CELF4: variants seen among roughly 807,000 people sequenced by gnomAD.
CELF4 encodes CUG-BP- and ETR-3-like factor 4.
A neutral mutation model predicts 59.9 loss-of-function variants in CELF4; 18 were observed. The observed-to-expected ratio is 0.30, with a 90% CI of 0.21 to 0.45. The LOEUF (loss-of-function observed/expected upper bound fraction) is 0.45, where lower values mean the gene tolerates loss of function less well. Ranked by LOEUF, CELF4 falls within the 20% of genes least tolerant of loss-of-function variation. The pLI is 1.00. For missense variants in CELF4, 456 were observed against 689.0 expected, an observed-to-expected ratio of 0.66 and a Z score of 3.79; for synonymous variants, 261 against 267.1, an observed-to-expected ratio of 0.98 and a Z score of 0.22.
chr18:37,473,749 C>A (rs2099840876), intron 2 of CELF4: 1 of 152,342 alleles, frequency 6.6e-6, no homozygotes, highest in Admixed American at 6.5e-5. Flanking sequence ...CTTCTGTAAC[C>A]CCTGACCATC....
intron 10 of CELF4, among the ~76,000 whole-genome samples, chr18:37,264,338 T>C (rs562882996): frequency 6.6e-6 from 1 of 152,354 alleles, no homozygotes; most frequent in South Asian, 2.1e-4. Context: ...AAGGTTTTGA[T>C]ATGTGAGCTC....
At chr18:37,465,279 C>T (rs1225252830) in intron 2 of CELF4, among the ~76,000 whole-genome samples, 2 of 152,152 alleles carry the variant, frequency 1.3e-5, no homozygotes, top group East Asian at 1.9e-4. Flanking sequence ...ATAAAGAATG[C>T]TTTTCCTGCC....
intron 3 of CELF4, among the ~76,000 whole-genome samples, chr18:37,316,506 C>T (rs2096874351): frequency 6.6e-6 from 1 of 152,036 alleles, no homozygotes; most frequent in Admixed American, 6.6e-5. Flanking sequence ...GACATTCCAG[C>T]CCTCTCTCTG....
At chr18:37,530,806 ATTAATAGACTTTT>A (rs1329995498) in intron 1 of CELF4, among the ~76,000 whole-genome samples, 3 of 151,698 alleles carry the variant, frequency 2.0e-5, no homozygotes, top group Non-Finnish European at 4.4e-5. Context: ...TGGGTTTAGG[ATTAATAGACTTTT>A]TCCTCGTTTG....
At chr18:37,385,354 CAAA>C (rs34504926) in intron 2 of CELF4, among the ~76,000 whole-genome samples, 4 of 100,476 alleles carry the variant, frequency 4.0e-5, no homozygotes, top group African/African-American at 7.3e-5. Context: ...GACTCCATCT[CAAA>C]AAAAAAAAAA....
At chr18:37,391,751 T>C (rs1200648955) in intron 2 of CELF4, among the ~76,000 whole-genome samples, 2 of 152,222 alleles carry the variant, frequency 1.3e-5, no homozygotes, top group African/African-American at 4.8e-5. Flanking sequence ...TCAGAGAGGA[T>C]GCCACCAAGG....
intron 2 of CELF4, among the ~76,000 whole-genome samples, chr18:37,440,854 C>T (rs1184245166): frequency 6.6e-6 from 1 of 152,192 alleles, no homozygotes; most frequent in Non-Finnish European, 1.5e-5. Flanking sequence ...GGACAAACTA[C>T]AGACCCTCTG....
chr18:37,377,819 C>A (rs1205312466), intron 2 of CELF4, among the ~76,000 whole-genome samples: 2 of 152,032 alleles, frequency 1.3e-5, no homozygotes, highest in African/African-American at 4.8e-5. Flanking sequence ...AGGGCTGATG[C>A]CACTGGAGGA....
intron 1 of CELF4, among the ~76,000 whole-genome samples, chr18:37,540,541 A>G (rs1362236900): frequency 6.6e-6 from 1 of 152,170 alleles, no homozygotes; most frequent in Non-Finnish European, 1.5e-5. Flanking sequence ...GTGGGCCACA[A>G]GGACACAGAT....
chr18:37,316,464 C>G (rs1215094673), intron 3 of CELF4, among the ~76,000 whole-genome samples: 1 of 152,104 alleles, frequency 6.6e-6, no homozygotes, highest in Non-Finnish European at 1.5e-5. Context: ...GTGGTGGTAG[C>G]AGGGGCCCTC....
In CELF4 at chr18:37,565,545, T is replaced by C; in HGVS notation, c.97A>G (p.Met33Val). 1 of 1,614,210 alleles carries C rather than the reference T, an allele frequency of 6.2e-7. No individual in the cohort carries two copies. The highest frequency in any genetic ancestry group is 8.5e-7 in the Non-Finnish European group (1 of 1,180,034). ...CCCGGGCTGTGGCTTAATCCGTTCA[T>C]GTGCCCGGCACTGCCCGGGCTGCTG... ...LGSSPGSAGHMNGLSHSPGNP... is the reference protein window; with the variant it reads ...LGSSPGSAGHVNGLSHSPGNP... The change falls in exon 1 of 13, where the codon ATG (methionine) becomes GTG (valine). Residue 33 changes from methionine to valine, a missense_variant. By Grantham distance (21) the Met-to-Val change is conservative. Transcript: ENST00000420428.
chr18:37,544,053 A>G (rs1371156000), intron 1 of CELF4, among the ~76,000 whole-genome samples: 3 of 151,870 alleles, frequency 2.0e-5, no homozygotes, highest in African/African-American at 7.3e-5. Context: ...GCCTGAGCAG[A>G]GGTGCAGAGA....
At chr18:37,267,346 G>C (rs2078154814) in intron 8 of CELF4, among the ~76,000 whole-genome samples, 1 of 152,228 alleles carries the variant, frequency 6.6e-6, no homozygotes, top group Non-Finnish European at 1.5e-5. Context: ...GAAACTCAGG[G>C]AAGTTGGGCT....
intron 2 of CELF4, among the ~76,000 whole-genome samples, chr18:37,356,748 G>T (rs75966857): frequency 3.9e-5 from 6 of 152,160 alleles, no homozygotes; most frequent in Non-Finnish European, 5.9e-5. Context: ...GGCATGCAGC[G>T]AGCTTCAGTA....
rs1348851639 is a variant in CELF4, at chr18:37,266,630, G to A, written c.1100-32C>T. ...GGAGCCAAGGGGACAGAGGTCAGCAGTGCCCACCACACTGGCCCTTCCCCT... is the reference window on the plus strand; with the variant it reads ...GGAGCCAAGGGGACAGAGGTCAGCAATGCCCACCACACTGGCCCTTCCCCT... On this transcript the variant is annotated intron_variant, in intron 8 of 12. Transcript: ENST00000420428. 6 of 1,542,658 alleles carry A rather than the reference G, an allele frequency of 3.9e-6. No individual in the cohort carries two copies. In the South Asian group the frequency reaches 7.1e-5, roughly 18 times the overall value.
At chr18:37,305,877 T>G (rs1015431194) in intron 3 of CELF4, 2 of 152,238 alleles carry the variant, frequency 1.3e-5, no homozygotes, top group Non-Finnish European at 2.9e-5. Flanking sequence ...TGATTCTACA[T>G]CTGTCCCTCT....
intron 2 of CELF4, among the ~76,000 whole-genome samples, chr18:37,456,473 C>A (rs537766032): frequency 3.0e-4 from 46 of 152,260 alleles, no homozygotes; most frequent in African/African-American, 1.0e-3. Flanking sequence ...TCCGTCCAGC[C>A]CTGCACGTCT....
intron 2 of CELF4, among the ~76,000 whole-genome samples, chr18:37,378,406 T>C (rs2154568194): frequency 6.6e-6 from 1 of 152,184 alleles, no homozygotes; most frequent in Non-Finnish European, 1.5e-5. Flanking sequence ...CAAGGACAAA[T>C]TCCCCCGACT....
chr18:37,280,080 A>T (rs1204517216), intron 3 of CELF4, among the ~76,000 whole-genome samples: 1 of 152,174 alleles, frequency 6.6e-6, no homozygotes, highest in Non-Finnish European at 1.5e-5. Flanking sequence ...TTGGACCCAG[A>T]GAGGGCATCT....
Sources: allele counts gnomAD v4.1 joint callset (sites outside exome capture counted in the v4.1 genomes callset), GRCh38; gene constraint gnomAD v4.1.1; transcripts MANE v1.5; gene names NCBI Gene and HGNC (gene_info 2026-07-23, HGNC 2026-07-21).